The following KCNH7 variants were observed in gnomAD, a reference collection of about 807,000 sequenced individuals.
KCNH7 encodes the protein potassium voltage-gated channel subfamily H member 7, also known as voltage-gated inwardly rectifying potassium channel KCNH7.
Under a neutral mutation model 120.8 loss-of-function variants are expected in KCNH7, and 49 were observed. That is an observed-to-expected ratio of 0.41 (90% confidence interval 0.32 to 0.51). The LOEUF (loss-of-function observed/expected upper bound fraction) is 0.51, where lower values mean the gene tolerates loss of function less well. Among genes scored for constraint, KCNH7 ranks in the 20% least tolerant of loss-of-function variants. KCNH7 has a pLI of 0.38. For synonymous variants in KCNH7, 547 were observed against 516.1 expected (o/e 1.06, Z -0.81); for missense variants, 1,097 against 1,446.6 (o/e 0.76, Z 3.92).
At chr2:162,600,937 G>C (rs943036182) in intron 2 of KCNH7, among the ~76,000 whole-genome samples, 1 of 152,078 alleles carries the variant, frequency 6.6e-6, no homozygotes, top group African/African-American at 2.4e-5. Context: ...CCATGGAGTA[G>C]TGATGTCTCC....
intron 2 of KCNH7, among the ~76,000 whole-genome samples, chr2:162,638,753 A>T (rs73028560): frequency 0.13 from 19,273 of 152,044 alleles, 2,412 homozygotes; most frequent in African/African-American, 0.31. Context: ...TAAATTAATA[A>T]ATAATTGAAA....
At chr2:162,696,768 C>T (rs1245883571) in intron 2 of KCNH7, among the ~76,000 whole-genome samples, 1 of 152,114 alleles carries the variant, frequency 6.6e-6, no homozygotes, top group Non-Finnish European at 1.5e-5. Flanking sequence ...TGAAAAAGCA[C>T]TCAGGAACCA....
At chr2:162,448,620 C>T (rs949736432) in intron 6 of KCNH7, among the ~76,000 whole-genome samples, 95 of 152,076 alleles carry the variant, frequency 6.2e-4, no homozygotes, top group Admixed American at 1.3e-4. Flanking sequence ...GACAAACTTC[C>T]GATACTAACC....
At chr2:162,661,791 C>A (rs1684968675) in intron 2 of KCNH7, among the ~76,000 whole-genome samples, 2 of 152,120 alleles carry the variant, frequency 1.3e-5, no homozygotes, top group Admixed American at 6.6e-5. Flanking sequence ...AAAGAGCAAT[C>A]CAATGACACT....
At chr2:162,497,300 G>C (rs957314203) in intron 6 of KCNH7, among the ~76,000 whole-genome samples, 3 of 152,088 alleles carry the variant, frequency 2.0e-5, no homozygotes, top group Non-Finnish European at 4.4e-5. Context: ...CTTTAAGTCA[G>C]TAATATCAGG....
At chr2:162,452,896 G>A (rs891355635) in intron 6 of KCNH7, among the ~76,000 whole-genome samples, 1 of 151,770 alleles carries the variant, frequency 6.6e-6, no homozygotes, top group Non-Finnish European at 1.5e-5. Context: ...TCTAGGAAAC[G>A]GTTGGTCTCT....
intron 2 of KCNH7, among the ~76,000 whole-genome samples, chr2:162,753,540 G>A (rs2105438140): frequency 6.6e-6 from 1 of 152,166 alleles, no homozygotes; most frequent in East Asian, 1.9e-4. Context: ...CCTAATGGTG[G>A]TGCTAAAGTG....
intron 3 of KCNH7, among the ~76,000 whole-genome samples, chr2:162,520,374 C>G (rs1691478832): frequency 2.0e-5 from 3 of 151,640 alleles, no homozygotes. Flanking sequence ...CGCTACTATA[C>G]TGGTTCACAT....
intron 6 of KCNH7, among the ~76,000 whole-genome samples, chr2:162,498,588 C>T (rs893271874): frequency 1.3e-5 from 2 of 151,894 alleles, no homozygotes; most frequent in African/African-American, 4.8e-5. Context: ...GTTTGATTCT[C>T]CTGCTTTACA....
At chr2:162,833,640 A>ACAGCAAGTTTAATTGTGCCTAGCACAAT (rs1685553858) in intron 2 of KCNH7, among the ~76,000 whole-genome samples, 1 of 152,162 alleles carries the variant, frequency 6.6e-6, no homozygotes, top group African/African-American at 2.4e-5. Context: ...ATTCTGATAA[A>ACAGCAAGTTTAATTGTGCCTAGCACAAT]CAGCAAGTTT....
chr2:162,760,655 G>A (rs305679), intron 2 of KCNH7, among the ~76,000 whole-genome samples: 117,297 of 151,910 alleles, frequency 0.77, 47,906 homozygotes, highest in Non-Finnish European at 0.92. Context: ...TTCTTAATGC[G>A]ATCAAAAGTA....
rs10599191 is a variant in KCNH7 at position 162,816,257 on chromosome 2, CAAAAAAAAAAAAAAA to C, written c.307+20265_307+20279del. ...GGGCAACAAGAGTGAAACTCCATCT[CAAAAAAAAAAAAAAA>C]AAAAAAAAAAAGACAAAGAAAGAAA... On this transcript the variant is annotated intron_variant, in intron 2 of 15. Coordinates refer to ENST00000332142, the MANE Select transcript of KCNH7 (RefSeq NM_033272.4). 1.0e-4 allele frequency among the ~76,000 whole-genome samples: 6 copies of C among 59,988 alleles called. No individual in the cohort carries two copies. In the Admixed American group the frequency reaches 1.2e-3, roughly 12 times the overall value. The allele number at this position is 59,988 out of a possible 152,430, so 39.4% of individuals were successfully genotyped here.
At chr2:162,642,927 C>T (rs910192387) in intron 2 of KCNH7, among the ~76,000 whole-genome samples, 2 of 152,238 alleles carry the variant, frequency 1.3e-5, no homozygotes, top group South Asian at 4.2e-4. Flanking sequence ...GCATAACATG[C>T]TGGTCAAATT....
At chr2:162,497,904 A>C (rs1180652646) in intron 6 of KCNH7, among the ~76,000 whole-genome samples, 2 of 152,188 alleles carry the variant, frequency 1.3e-5, no homozygotes, top group Admixed American at 1.3e-4. Context: ...TACTTACATG[A>C]ATCCTAAATG....
intron 2 of KCNH7, among the ~76,000 whole-genome samples, chr2:162,677,507 T>C (rs1685567176): frequency 1.3e-5 from 2 of 151,456 alleles, no homozygotes; most frequent in Non-Finnish European, 1.5e-5. Flanking sequence ...TGCCACTGCA[T>C]GGAGTTGTAG....
intron 2 of KCNH7, among the ~76,000 whole-genome samples, chr2:162,798,285 C>T (rs902048265): frequency 4.0e-5 from 6 of 151,744 alleles, no homozygotes; most frequent in Non-Finnish European, 5.9e-5. Flanking sequence ...GTGAATTGGC[C>T]GTCCCAGAGA....
At chr2:162,675,272 G>C (rs1685495819) in intron 2 of KCNH7, among the ~76,000 whole-genome samples, 1 of 151,444 alleles carries the variant, frequency 6.6e-6, no homozygotes, top group Non-Finnish European at 1.5e-5. Flanking sequence ...AAATGTGTTA[G>C]CATTTTATAT....
At chr2:162,394,720 T>C (rs1189767501) in intron 11 of KCNH7, among the ~76,000 whole-genome samples, 1 of 151,892 alleles carries the variant, frequency 6.6e-6, no homozygotes, top group Non-Finnish European at 1.5e-5. Flanking sequence ...AGTGTAGGAG[T>C]TATTTATGTG....
At chr2:162,766,186 G>T (rs1228983601) in intron 2 of KCNH7, among the ~76,000 whole-genome samples, 1 of 151,598 alleles carries the variant, frequency 6.6e-6, no homozygotes, top group Non-Finnish European at 1.5e-5. Context: ...TGTGTGTTTT[G>T]TGTGTGTGTG....
Sources: allele counts gnomAD v4.1 joint callset (sites outside exome capture counted in the v4.1 genomes callset), GRCh38; gene constraint gnomAD v4.1.1; transcripts MANE v1.5; gene names NCBI Gene and HGNC (gene_info 2026-07-23, HGNC 2026-07-21).